The following KCNQ1OT1 variants were observed in gnomAD, a reference collection of about 807,000 sequenced individuals.
KCNQ1OT1 encodes the protein KCNQ1 opposite strand/antisense transcript 1.
At chr11:2,681,733 C>A (rs1432356061) in exon 1 of KCNQ1OT1, 5 of 397,320 alleles carry the variant, frequency 1.3e-5, no homozygotes, top group Non-Finnish European at 2.2e-5. Context: ...GTATTGTGGG[C>A]ACTGATCACA....
Position 2,657,979 on chromosome 11 carries a change from G to T in KCNQ1OT1, n.42016C>A, listed in dbSNP as rs1849880793. 1 of 398,542 alleles carries T rather than the reference G, an allele frequency of 2.5e-6. No individual in the cohort carries two copies. Among genetic ancestry groups the T allele is most frequent in the Non-Finnish European group, 4.4e-6 (1 of 226,052 alleles). 24.7% of individuals were successfully genotyped at this position (398,542 alleles called of 1,614,324 possible). A position where few individuals can be genotyped will look rare whatever the true frequency, so the allele number is the denominator to read the frequency against. Reference sequence around the variant, plus strand: ...ACTCGTTTAAAGTGGTGTCGGCCAGGCTCCTCCACTGTAAGTGAATAGCTG... The same window carrying T: ...ACTCGTTTAAAGTGGTGTCGGCCAGTCTCCTCCACTGTAAGTGAATAGCTG... On this transcript the variant is annotated non_coding_transcript_exon_variant, in exon 1 of 1. Transcript: ENST00000597346. The surrounding 1 kb of genome is among the most constrained non-coding windows in gnomAD (Gnocchi z 4.8).
In KCNQ1OT1 at chr11:2,669,198, G is replaced by A. The variant is rs1590020505; in HGVS notation, n.30797C>T. On this transcript the variant is annotated non_coding_transcript_exon_variant, in exon 1 of 1. Transcript: ENST00000597346. This position sits in a 1 kb window ranked among gnomAD's most constrained non-coding sequence, Gnocchi z 5.6. The stretch of plus-strand genomic sequence containing the variant: ...AGGACCTTGCTTCCTTCTCACTGTA[G>A]TTTGCTAACAGGTTTTGACAGCTGG... 5.0e-6 allele frequency: 2 copies of A among 398,708 alleles called. No homozygotes were observed. Among genetic ancestry groups the A allele is most frequent in the Non-Finnish European group, 8.8e-6 (2 of 226,118 alleles). The allele number at this position is 398,708 out of a possible 1,614,324, so 24.7% of individuals were successfully genotyped here.
In KCNQ1OT1 at chr11:2,698,314, A is replaced by T; in HGVS notation, n.1681T>A. 5.0e-6 allele frequency: 2 copies of T among 398,656 alleles called. No homozygotes were observed. The highest frequency in any genetic ancestry group is 8.8e-6 in the Non-Finnish European group (2 of 226,068). The allele number at this position is 398,656 out of a possible 1,614,324, so 24.7% of individuals were successfully genotyped here. A position where few individuals can be genotyped will look rare whatever the true frequency, so the allele number is the denominator to read the frequency against. On this transcript the variant is annotated non_coding_transcript_exon_variant, in exon 1 of 1. Coordinates refer to ENST00000597346, the Ensembl canonical transcript of KCNQ1OT1. This position sits in a 1 kb window ranked among gnomAD's most constrained non-coding sequence, Gnocchi z 5.1. The stretch of plus-strand genomic sequence containing the variant: ...ATGAATTATTCTCTTTCATAACCAG[A>T]ACAGTGCTGTGGGAAGGCACTCTTA...
exon 1 of KCNQ1OT1, chr11:2,622,619 T>C (rs1849192763): frequency 5.0e-6 from 2 of 398,502 alleles, no homozygotes; most frequent in Admixed American, 4.4e-5. Flanking sequence ...ATACAACATT[T>C]CCTCCCTTAC....
In KCNQ1OT1 at chr11:2,651,109, T is replaced by C; in HGVS notation, n.48886A>G. 1 of 398,728 alleles carries C rather than the reference T, an allele frequency of 2.5e-6. No homozygotes were observed. The allele number at this position is 398,728 out of a possible 1,614,324, so 24.7% of individuals were successfully genotyped here. A position where few individuals can be genotyped will look rare whatever the true frequency, so the allele number is the denominator to read the frequency against. ...TCTTGATTTCCACTCTTGCTTCCTG[T>C]ACTCCATTCTTCACATAACAGCTCA... is the stretch of plus-strand genomic sequence containing the variant. On this transcript the variant is annotated non_coding_transcript_exon_variant, in exon 1 of 1. Coordinates refer to ENST00000597346, the Ensembl canonical transcript of KCNQ1OT1. The surrounding 1 kb of genome is among the most constrained non-coding windows in gnomAD (Gnocchi z 6.1).
Position 2,660,367 on chromosome 11 carries a change from C to T in KCNQ1OT1, n.39628G>A, listed in dbSNP as rs142666827. On this transcript the variant is annotated non_coding_transcript_exon_variant, in exon 1 of 1. Transcript: ENST00000597346. ...ATAAATTTAAGAGAGAATTGTATTACGCTGATGTGGGAAAACCTTCCTTTT... is the reference window on the plus strand; with the variant it reads ...ATAAATTTAAGAGAGAATTGTATTATGCTGATGTGGGAAAACCTTCCTTTT... 9.5e-4 allele frequency: 380 copies of T among 398,456 alleles called. 1 individual carries two copies. The East Asian group carries it at 0.011, about 12-fold the overall frequency. The allele number at this position is 398,456 out of a possible 1,614,324, so 24.7% of individuals were successfully genotyped here.
At chr11:2,644,926 C>A (rs1264396242) in exon 1 of KCNQ1OT1, 1 of 398,612 alleles carries the variant, frequency 2.5e-6, no homozygotes, top group Admixed American at 4.4e-5. Context: ...AGTCCTCAGG[C>A]CCCAGTGGCA....
Position 2,682,185 on chromosome 11 carries a change from C to T in KCNQ1OT1, n.17810G>A, listed in dbSNP as rs765434276. The T allele has an allele frequency of 2.5e-6, 1 of 398,616 alleles. No individual in the cohort carries two copies. The highest frequency in any genetic ancestry group is 4.4e-6 in the Non-Finnish European group (1 of 226,090). The allele number at this position is 398,616 out of a possible 1,614,324, so 24.7% of individuals were successfully genotyped here. On this transcript the variant is annotated non_coding_transcript_exon_variant, in exon 1 of 1. Transcript: ENST00000597346. The surrounding 1 kb of genome is among the most constrained non-coding windows in gnomAD (Gnocchi z 5.8). Reference sequence around the variant, plus strand: ...ATATCAAGCTCTCTCCTGACCTTCTCTCCCCTTCCCCAGGCCAGGACTGTC... The same window carrying T: ...ATATCAAGCTCTCTCCTGACCTTCTTTCCCCTTCCCCAGGCCAGGACTGTC...
At position 2,690,965 on chromosome 11, in the gene KCNQ1OT1, T is replaced by C. The variant is rs1850578494; in HGVS notation, n.9030A>G. 2.5e-6 allele frequency: 1 copy of C among 398,520 alleles called. No individual in the cohort carries two copies. The highest frequency in any genetic ancestry group is 1.3e-4 in the South Asian group (1 of 7,864). 24.7% of individuals were successfully genotyped at this position (398,520 alleles called of 1,614,324 possible). A position where few individuals can be genotyped will look rare whatever the true frequency, so the allele number is the denominator to read the frequency against. ...GGTTCATTTGGGAGTCACGGGTATGTGTCAACAAAAGCCCACCAGACCATC... is the reference window on the plus strand; with the variant it reads ...GGTTCATTTGGGAGTCACGGGTATGCGTCAACAAAAGCCCACCAGACCATC... On this transcript the variant is annotated non_coding_transcript_exon_variant, in exon 1 of 1. Coordinates refer to ENST00000597346, the Ensembl canonical transcript of KCNQ1OT1. This position sits in a 1 kb window ranked among gnomAD's most constrained non-coding sequence, Gnocchi z 5.1.
At chr11:2,693,114 A>C (rs1850615566) in exon 1 of KCNQ1OT1, 1 of 398,562 alleles carries the variant, frequency 2.5e-6, no homozygotes, top group Admixed American at 4.4e-5. Context: ...ATTTGCCCCA[A>C]GACTACTTTC....
At position 2,663,630 on chromosome 11, in the gene KCNQ1OT1, T is replaced by A; in HGVS notation, n.36365A>T. 2 of 398,676 alleles carry A rather than the reference T, an allele frequency of 5.0e-6. No individual in the cohort carries two copies. The highest frequency in any genetic ancestry group is 7.1e-5 in the East Asian group (2 of 28,076). The allele number at this position is 398,676 out of a possible 1,614,324, so 24.7% of individuals were successfully genotyped here. On this transcript the variant is annotated non_coding_transcript_exon_variant, in exon 1 of 1. Transcript: ENST00000597346. This position sits in a 1 kb window ranked among gnomAD's most constrained non-coding sequence, Gnocchi z 5.2. ...TTGGTCACGGACCAGCATCCAGACATGCAAAAAGTCCTACTGGGAGGAGAG... is the reference window on the plus strand; with the variant it reads ...TTGGTCACGGACCAGCATCCAGACAAGCAAAAAGTCCTACTGGGAGGAGAG...
At chr11:2,666,461 G>C (rs1266123215) in exon 1 of KCNQ1OT1, 2 of 398,572 alleles carry the variant, frequency 5.0e-6, no homozygotes, top group Non-Finnish European at 8.8e-6. Context: ...CCTGGACCCT[G>C]CAGAATCTCA....
chr11:2,688,054 G>A (rs1285652411), exon 1 of KCNQ1OT1: 2 of 398,730 alleles, frequency 5.0e-6, no homozygotes, highest in Non-Finnish European at 8.8e-6. Context: ...CTCAGCTGCA[G>A]CCATGGAGTT....
exon 1 of KCNQ1OT1, chr11:2,672,314 C>A (rs1564853229): frequency 5.0e-6 from 2 of 398,466 alleles, no homozygotes; most frequent in Non-Finnish European, 8.8e-6. Context: ...GGTGGGAGCT[C>A]AAGGGGGCCT....
exon 1 of KCNQ1OT1, chr11:2,665,260 C>T: frequency 2.5e-6 from 1 of 398,524 alleles, no homozygotes; most frequent in Non-Finnish European, 4.4e-6. Flanking sequence ...CAGCCTCAAA[C>T]TCCCTGAGCC....
Position 2,659,226 on chromosome 11 carries a change from C to A in KCNQ1OT1, n.40769G>T. Reference sequence around the variant, plus strand: ...GTATCATTCACAGAAGTTCCATACCCCTAAAAATACCCTGGGGTGAGTCTT... The same window carrying A: ...GTATCATTCACAGAAGTTCCATACCACTAAAAATACCCTGGGGTGAGTCTT... On this transcript the variant is annotated non_coding_transcript_exon_variant, in exon 1 of 1. Transcript: ENST00000597346. This position sits in a 1 kb window ranked among gnomAD's most constrained non-coding sequence, Gnocchi z 4.3. 1 of 398,616 alleles carries A rather than the reference C, an allele frequency of 2.5e-6. No homozygotes were observed. The highest frequency in any genetic ancestry group is 1.3e-4 in the South Asian group (1 of 7,854). 24.7% of individuals were successfully genotyped at this position (398,616 alleles called of 1,614,324 possible).
exon 1 of KCNQ1OT1, chr11:2,643,042 AATAT>A (rs533967321): frequency 5.5e-5 from 22 of 397,740 alleles, no homozygotes; most frequent in Non-Finnish European, 8.4e-5. Context: ...TCCAATTTAA[AATAT>A]ATATATATTT....
In KCNQ1OT1 at chr11:2,691,126, C is replaced by G; in HGVS notation, n.8869G>C. 1 of 398,672 alleles carries G rather than the reference C, an allele frequency of 2.5e-6. No homozygotes were observed. The highest frequency in any genetic ancestry group is 1.3e-4 in the South Asian group (1 of 7,860). The allele number at this position is 398,672 out of a possible 1,614,324, so 24.7% of individuals were successfully genotyped here. ...ACAGTAGGGGTGGAGGCTGTGCAGA[C>G]CTGGTGCAGAGTCTGTGCTGGCCTC... is the stretch of plus-strand genomic sequence containing the variant. On this transcript the variant is annotated non_coding_transcript_exon_variant, in exon 1 of 1. Transcript: ENST00000597346. The surrounding 1 kb of genome is among the most constrained non-coding windows in gnomAD (Gnocchi z 6.4).
rs1849231755 is a variant in KCNQ1OT1 at position 2,624,558 on chromosome 11, A to C, written n.75437T>G. ...GATTTCTATTTGTTGTTGATTTCCA[A>C]ATCTTTTATTGTGGCAAAATACACT... is the stretch of plus-strand genomic sequence containing the variant. On this transcript the variant is annotated non_coding_transcript_exon_variant, in exon 1 of 1. Transcript: ENST00000597346. The surrounding 1 kb of genome is among the most constrained non-coding windows in gnomAD (Gnocchi z 4.9). The C allele has an allele frequency of 1.3e-5, 5 of 398,376 alleles. No individual in the cohort carries two copies. The South Asian group carries it at 5.1e-4, about 41-fold the overall frequency. 24.7% of individuals were successfully genotyped at this position (398,376 alleles called of 1,614,324 possible).
Sources: gnomAD v4.1 joint callset for allele counts on GRCh38, gnomAD v4.1.1 for gene constraint, Gnocchi (gnomAD v3.1) non-coding constraint, MANE v1.5 for transcripts, NCBI Gene and HGNC (gene_info 2026-07-23, HGNC 2026-07-21) for gene names.